UBE2Q2: variants seen among roughly 807,000 people sequenced by gnomAD.
The protein encoded by UBE2Q2 is ubiquitin-conjugating enzyme E2 Q2.
UBE2Q2 carries 54 observed loss-of-function variants against 59.9 expected under a neutral mutation model. The observed-to-expected ratio is 0.90, with a 90% CI of 0.72 to 1.13. The LOEUF (loss-of-function observed/expected upper bound fraction) is 1.13, where lower values mean the gene tolerates loss of function less well. Ranked by LOEUF, UBE2Q2 falls within the 50% of genes most tolerant of loss-of-function variation. The pLI, the probability that UBE2Q2 is intolerant of heterozygous loss-of-function variation, is 0.00. For missense variants in UBE2Q2, 433 were observed against 441.9 expected (o/e 0.98, Z 0.18); for synonymous variants, 165 against 155.2 (o/e 1.06, Z -0.47).
chr15:75,844,178 G>C (rs1160042151), intron 1 of UBE2Q2: 5 of 1,441,516 alleles, frequency 3.5e-6, no homozygotes, highest in Middle Eastern at 2.6e-4. Context: ...CAGCCGGCCT[G>C]CTCCCGGGAC....
chr15:75,859,076 G>A (rs780160271), intron 2 of UBE2Q2, among the ~76,000 whole-genome samples: 3 of 152,116 alleles, frequency 2.0e-5, no homozygotes, highest in Non-Finnish European at 4.4e-5. Context: ...TTTGAGTCAC[G>A]TTATACATTG....
intron 3 of UBE2Q2, among the ~76,000 whole-genome samples, chr15:75,867,083 C>G (rs1379365230): frequency 6.6e-6 from 1 of 152,130 alleles, no homozygotes; most frequent in Non-Finnish European, 1.5e-5. Flanking sequence ...TGTGGCCTCC[C>G]CCTCCTGGTT....
intron 3 of UBE2Q2, among the ~76,000 whole-genome samples, chr15:75,863,007 T>C (rs1185087734): frequency 6.6e-6 from 1 of 152,100 alleles, no homozygotes; most frequent in Non-Finnish European, 1.5e-5. Flanking sequence ...ATCTGTGTTC[T>C]TTTGCCTGAG....
At chr15:75,894,093 T>G (rs2141675201) in intron 11 of UBE2Q2, among the ~76,000 whole-genome samples, 1 of 152,286 alleles carries the variant, frequency 6.6e-6, no homozygotes, top group East Asian at 1.9e-4. Context: ...CAAACAGCCT[T>G]TAGGTCAAAC....
chr15:75,848,997 G>A (rs1171940891), intron 1 of UBE2Q2, among the ~76,000 whole-genome samples: 1 of 152,148 alleles, frequency 6.6e-6, no homozygotes. Context: ...CTCAGTAGCT[G>A]TAATTTGCTG....
chr15:75,875,662 A>G (rs945590379), intron 5 of UBE2Q2, among the ~76,000 whole-genome samples: 18 of 152,160 alleles, frequency 1.2e-4, no homozygotes, highest in African/African-American at 3.9e-4. Flanking sequence ...TGTTGGCTAG[A>G]CTTTTTCACA....
intron 4 of UBE2Q2, among the ~76,000 whole-genome samples, chr15:75,870,813 T>C (rs1897744713): frequency 6.6e-6 from 1 of 152,184 alleles, no homozygotes; most frequent in African/African-American, 2.4e-5. Context: ...GTTAAAAGTC[T>C]TGAATTCGAG....
At position 75,897,003 on chromosome 15, in the gene UBE2Q2, T is replaced by G. The variant is rs751189210; in HGVS notation, c.1038T>G (p.Tyr346Ter). 1.5e-5 allele frequency: 24 copies of G among 1,561,068 alleles called. No individual in the cohort carries two copies. Among genetic ancestry groups the G allele is most frequent in the Non-Finnish European group, 2.0e-5 (23 of 1,149,672 alleles). ...RVQFGANKNQ[Y>*]NLARAQQSYN... ...GTGTAATTCTCTTTCAGAATCAATA[T>G]AATCTAGCAAGAGCCCAACAATCCT... Residue 346 changes from tyrosine to a stop codon, truncating the protein, a stop_gained, in exon 12 of 13, where the codon TAT (tyrosine) becomes TAG (stop). Coordinates refer to ENST00000267938, the MANE Select transcript of UBE2Q2 (RefSeq NM_173469.4). LOFTEE classifies it high-confidence loss of function.
intron 2 of UBE2Q2, among the ~76,000 whole-genome samples, 184 bp downstream of exon 2, chr15:75,854,671 C>T (rs1896812031): frequency 6.6e-6 from 1 of 151,788 alleles, no homozygotes; most frequent in Non-Finnish European, 1.5e-5. Flanking sequence ...CTTTTATTTC[C>T]CACATGTATA....
chr15:75,873,620 A>G, intron 5 of UBE2Q2, 52 bp downstream of exon 5: 2 of 1,560,724 alleles, frequency 1.3e-6, no homozygotes, highest in South Asian at 1.2e-5. Flanking sequence ...AAATAATTGT[A>G]GTTAATACCA....
chr15:75,843,818 C>G lies in UBE2Q2; in HGVS notation c.152C>G (p.Pro51Arg), dbSNP rs374352758. The G allele has an allele frequency of 1.6e-5, 26 of 1,600,576 alleles. No individual in the cohort carries two copies. The African/African-American group carries it at 2.8e-4, about 17-fold the overall frequency. Residue 51 changes from proline (P) to arginine (R), a missense_variant, in exon 1 of 13, where the codon CCG (proline) becomes CGG (arginine). Pro to Arg is a moderately radical substitution (Grantham distance 103). Transcript: ENST00000267938. ...PQQGSPHSLPPPLTLHCNITE... is the reference protein window; with the variant it reads ...PQQGSPHSLPRPLTLHCNITE... Reference sequence around the variant, plus strand: ...CAGGGCAGCCCGCACTCGCTGCCGCCGCCACTCACGCTCCACTGCAACATC... The same window carrying G: ...CAGGGCAGCCCGCACTCGCTGCCGCGGCCACTCACGCTCCACTGCAACATC...
rs1899459257 is a variant in UBE2Q2, at chr15:75,896,963, C to G, written c.1030-32C>G. ...TTGTAATAATTTTCACCTAATTACA[C>G]TTTTGATTTAAAATGTGTAATTCTC... On this transcript the variant is annotated intron_variant, in intron 11 of 12. Coordinates refer to ENST00000267938, the MANE Select transcript of UBE2Q2 (RefSeq NM_173469.4). 5 of 1,403,456 alleles carry G rather than the reference C, an allele frequency of 3.6e-6. No individual in the cohort carries two copies. In the East Asian group the frequency reaches 1.2e-4, roughly 35 times the overall value. 86.9% of individuals were successfully genotyped at this position (1,403,456 alleles called of 1,614,324 possible). A position where few individuals can be genotyped will look rare whatever the true frequency, so the allele number is the denominator to read the frequency against.
chr15:75,881,370 A>C (rs1020902812), intron 8 of UBE2Q2, among the ~76,000 whole-genome samples: 1 of 151,898 alleles, frequency 6.6e-6, no homozygotes, highest in Non-Finnish European at 1.5e-5. Context: ...TAGTGTTTTC[A>C]TTATTTTTTC....
chr15:75,850,612 G>A (rs1896586468), intron 1 of UBE2Q2, among the ~76,000 whole-genome samples: 1 of 152,162 alleles, frequency 6.6e-6, no homozygotes, highest in South Asian at 2.1e-4. Flanking sequence ...AGAGGGAGGA[G>A]GAAAGATGGG....
At chr15:75,878,182 G>A (rs757313372) in intron 7 of UBE2Q2, 161 bp downstream of exon 7, 86 of 569,640 alleles carry the variant, frequency 1.5e-4, no homozygotes, top group Non-Finnish European at 2.4e-4. Flanking sequence ...ATGAGCTGTT[G>A]CTGAGGTCTA....
At chr15:75,853,250 T>C (rs1896720864) in intron 1 of UBE2Q2, among the ~76,000 whole-genome samples, 1 of 152,100 alleles carries the variant, frequency 6.6e-6, no homozygotes, top group Admixed American at 6.5e-5. Context: ...GGTGGGCTGA[T>C]CACGAGATCA....
chr15:75,844,295 C>A (rs1329934804), intron 1 of UBE2Q2: 1 of 1,545,642 alleles, frequency 6.5e-7, no homozygotes, highest in African/African-American at 1.4e-5. Flanking sequence ...GTCGGATTTT[C>A]CTTCTTCCCG....
At chr15:75,891,707 A>C (rs747590068) in intron 11 of UBE2Q2, among the ~76,000 whole-genome samples, 1 of 152,158 alleles carries the variant, frequency 6.6e-6, no homozygotes, top group Admixed American at 6.5e-5. Flanking sequence ...GGACATAAGG[A>C]TGTTGTTCAG....
chr15:75,898,657 G>C (rs1284497146), intron 12 of UBE2Q2, among the ~76,000 whole-genome samples: 3 of 152,194 alleles, frequency 2.0e-5, no homozygotes, highest in African/African-American at 7.2e-5. Context: ...CATTGCACCT[G>C]CTGCGATGGC....
Sources: allele counts gnomAD v4.1 joint callset (sites outside exome capture counted in the v4.1 genomes callset), GRCh38; gene constraint gnomAD v4.1.1; transcripts MANE v1.5; gene names NCBI Gene and HGNC (gene_info 2026-07-23, HGNC 2026-07-21).